Variants in PLEC observed in about 807,000 individuals in gnomAD.
PLEC encodes hemidesmosomal protein 1.
Under a neutral mutation model 392.8 loss-of-function variants are expected in PLEC, and 216 were observed. The observed-to-expected ratio is 0.55, with a 90% CI of 0.49 to 0.62. PLEC has a LOEUF of 0.62. Ranked by LOEUF, PLEC falls within the 20% of genes least tolerant of loss-of-function variation. PLEC has a pLI of 0.00. For synonymous variants in PLEC, 3,621 were observed against 2,980.6 expected (o/e 1.21, Z -7.00); for missense variants, 6,863 against 6,563.4 (o/e 1.05, Z -1.58).
chr8:143,917,415 C>A lies in PLEC; in HGVS notation c.12406G>T (p.Val4136Leu). ...ACGATGACCACTCGGCGCTTGCGCA[C>A]GGAGGACTTGGAGGACGTCTTCCGC... Reference protein sequence around the residue: ...RERKTSSKSSVRKRRVVIVDP... With the variant: ...RERKTSSKSSLRKRRVVIVDP... Residue 4136 changes from valine to leucine, a missense_variant, in exon 32 of 32, where the codon GTG (valine) becomes TTG (leucine). Physicochemically the swap from Val to Leu is conservative, Grantham distance 32. Transcript: ENST00000345136. The A allele has an allele frequency of 6.2e-7, 1 of 1,612,974 alleles. No homozygotes were observed. Among genetic ancestry groups the A allele is most frequent in the Non-Finnish European group, 8.5e-7 (1 of 1,180,014 alleles).
At position 143,929,241 on chromosome 8, in the gene PLEC, G is replaced by A; in HGVS notation, c.3122C>T (p.Ala1041Val). 2 of 1,602,234 alleles carry A rather than the reference G, an allele frequency of 1.2e-6. No homozygotes were observed. The highest frequency in any genetic ancestry group is 1.7e-6 in the Non-Finnish European group (2 of 1,179,364). The change falls in exon 25 of 32, where the codon GCC becomes GTC. Residue 1041 changes from alanine to valine, a missense_variant. Physicochemically the swap from Ala to Val is moderately conservative, Grantham distance 64. Coordinates refer to ENST00000345136, the MANE Select transcript of PLEC (RefSeq NM_201384.3). ...AEVEGLGKGV[A>V]RLSAEAEKVL... ...CTTCTCGGCCTCGGCAGAGAGCCGGGCGACCCCCTTGCCCAGCCCCTCCAC... is the reference window on the plus strand; with the variant it reads ...CTTCTCGGCCTCGGCAGAGAGCCGGACGACCCCCTTGCCCAGCCCCTCCAC...
In PLEC at chr8:143,919,955, A is replaced by C; in HGVS notation, c.9866T>G (p.Ile3289Ser). The C allele has an allele frequency of 6.2e-7, 1 of 1,613,408 alleles. No homozygotes were observed. The highest frequency in any genetic ancestry group is 8.5e-7 in the Non-Finnish European group (1 of 1,180,022). The change falls in exon 32 of 32, where the codon ATT (isoleucine) becomes AGT (serine). Residue 3289 changes from isoleucine to serine, a missense_variant. Transcript: ENST00000345136. ...VTVEKVIKIL[I>S]TIVEEVETLR... ...GGTCTCCACCTCCTCCACGATGGTAATGAGAATCTTGATGACCTTCTCCAC... is the reference window on the plus strand; with the variant it reads ...GGTCTCCACCTCCTCCACGATGGTACTGAGAATCTTGATGACCTTCTCCAC...
intron 19 of PLEC, among the ~76,000 whole-genome samples, chr8:143,930,778 TC>T (rs1355448137): frequency 1.3e-5 from 2 of 152,060 alleles, no homozygotes; most frequent in African/African-American, 4.8e-5. Flanking sequence ...ACCCACCATG[TC>T]CTCCCAGCTA....
At chr8:143,935,770 A>G in intron 6 of PLEC, 78 bp downstream of exon 6, 1 of 1,501,262 alleles carries the variant, frequency 6.7e-7, no homozygotes, top group East Asian at 2.3e-5. Flanking sequence ...TCCCTGCCCC[A>G]ACGTGTCTGA....
At chr8:143,950,063 G>T in intron 1 of PLEC, 1 of 1,301,476 alleles carries the variant, frequency 7.7e-7, no homozygotes, top group Non-Finnish European at 1.0e-6. Context: ...CTGCTGGTGT[G>T]AGCGACGCTC....
rs574627765 is a variant in PLEC, at chr8:143,927,888, A to T, written c.3365T>A (p.Leu1122His). ...LKEAQAVPAT[L>H]PELEATKASL... ...GGCCTTGGTGGCCTCGAGCTCCGGGAGGGTGGCCGGCACGGCCTGGGCCTC... is the reference window on the plus strand; with the variant it reads ...GGCCTTGGTGGCCTCGAGCTCCGGGTGGGTGGCCGGCACGGCCTGGGCCTC... The change falls in exon 26 of 32, where the codon CTC (leucine) becomes CAC (histidine). Residue 1122 changes from leucine to histidine, a missense_variant. Coordinates refer to ENST00000345136, the MANE Select transcript of PLEC (RefSeq NM_201384.3). 20 of 1,593,294 alleles carry T rather than the reference A, an allele frequency of 1.3e-5. 1 individual carries two copies. The South Asian group carries it at 2.3e-4, about 18-fold the overall frequency.
In PLEC at chr8:143,915,973, C is replaced by T. The variant is rs1314383932; in HGVS notation, c.*204G>A. 25 of 452,250 alleles carry T rather than the reference C, an allele frequency of 5.5e-5. No individual in the cohort carries two copies. The highest frequency in any genetic ancestry group is 4.9e-4 in the South Asian group (14 of 28,796). 28.0% of individuals were successfully genotyped at this position (452,250 alleles called of 1,614,324 possible). On this transcript the variant is annotated 3_prime_UTR_variant, in exon 32 of 32. Transcript: ENST00000345136. ...AGTGAGGAGACCCGAGGGGGTGAGG[C>T]GGCCAGCAGGGCTGGGCCAGCCCTG...
chr8:143,944,076 TC>T (rs1831036845), upstream of PLEC: 1 of 787,284 alleles, frequency 1.3e-6, no homozygotes, highest in East Asian at 2.8e-5. Context: ...CCTCCTCTCC[TC>T]CTCCCTCCGC....
rs199983005 is a variant in PLEC, at chr8:143,929,623, G to A, written c.2923+23C>T. 2.5e-4 allele frequency: 402 copies of A among 1,608,462 alleles called. 4 individuals carry two copies. The East Asian group carries it at 8.2e-3, about 33-fold the overall frequency. On this transcript the variant is annotated intron_variant, in intron 23 of 31. Transcript: ENST00000345136. Reference sequence around the variant, plus strand: ...CCGCCCACCTCGCACCAGCCCAACCGCCCCAGCCCTGCCGTGCCCTACCCT... The same window carrying A: ...CCGCCCACCTCGCACCAGCCCAACCACCCCAGCCCTGCCGTGCCCTACCCT...
Position 143,950,339 on chromosome 8 carries a change from AG to A in PLEC, c.367del (p.Leu123TrpfsTer130), listed in dbSNP as rs782401458. The A allele has an allele frequency of 1.9e-6, 3 of 1,580,188 alleles. No individual in the cohort carries two copies. The East Asian group carries it at 6.9e-5, about 36-fold the overall frequency. ...CGGCCCCCGCTTGGGTGGGGAGCCCAGGGGACCCTGCACAGCCTGCACGTGG... is the reference window on the plus strand; with the variant it reads ...CGGCCCCCGCTTGGGTGGGGAGCCCAGGGACCCTGCACAGCCTGCACGTGG... On this transcript the variant is annotated frameshift_variant, in exon 1 of 32. Transcript: ENST00000322810. LOFTEE classifies it high-confidence loss of function.
In PLEC at chr8:143,919,011, G is replaced by A; in HGVS notation, c.10810C>T (p.Leu3604=). Residue 3604 remains leucine (L), a synonymous_variant, in exon 32 of 32, where the codon CTG becomes TTG. Transcript: ENST00000345136. ...CGGCCGGCCTGGAAGTCAGCCATCA[G>A]CTGGGCCCGCTGCTCCTCGGGGATC... ...DLIPEEQRAQ[L]MADFQAGRVT... The A allele has an allele frequency of 6.2e-7, 1 of 1,611,232 alleles. No homozygotes were observed. The highest frequency in any genetic ancestry group is 1.1e-5 in the South Asian group (1 of 91,090).
At position 143,925,210 on chromosome 8, in the gene PLEC, A is replaced by G; in HGVS notation, c.4719T>C (p.Ser1573=). ...VQVALETAQR[S]AEAELQSKRA... is the part of the protein sequence containing the mutation. Reference sequence around the variant, plus strand: ...GTTTGCTCTGCAGCTCCGCCTCTGCACTGCGCTGCGCCGTCTCCAGGGCCA... The same window carrying G: ...GTTTGCTCTGCAGCTCCGCCTCTGCGCTGCGCTGCGCCGTCTCCAGGGCCA... The change falls in exon 31 of 32, where the codon AGT becomes AGC. Residue 1573 remains serine, a synonymous_variant. Transcript: ENST00000345136. 3 of 1,586,560 alleles carry G rather than the reference A, an allele frequency of 1.9e-6. No homozygotes were observed. The highest frequency in any genetic ancestry group is 1.7e-6 in the Non-Finnish European group (2 of 1,175,328).
Position 143,917,724 on chromosome 8 carries a change from G to C in PLEC, c.12097C>G (p.Leu4033Val). The change falls in exon 32 of 32, where the codon CTG (leucine) becomes GTG (valine). Residue 4033 changes from leucine (L) to valine (V), a missense_variant. Leu to Val is a conservative substitution (Grantham distance 32, BLOSUM62 1). Coordinates refer to ENST00000345136, the MANE Select transcript of PLEC (RefSeq NM_201384.3). Reference sequence around the variant, plus strand: ...CGGATGCCATGGTCCTTCAGGATCAGGCCCTTCTTCATGGCCTGGAAGAGG... The same window carrying C: ...CGGATGCCATGGTCCTTCAGGATCACGCCCTTCTTCATGGCCTGGAAGAGG... Reference protein sequence around the residue: ...ISLFQAMKKGLILKDHGIRLL... With the variant: ...ISLFQAMKKGVILKDHGIRLL... 6.2e-7 allele frequency: 1 copy of C among 1,613,654 alleles called. No homozygotes were observed. The highest frequency in any genetic ancestry group is 1.1e-5 in the South Asian group (1 of 91,088).
In PLEC at chr8:143,924,849, G is replaced by A. The variant is rs1373326735; in HGVS notation, c.5080C>T (p.Leu1694=). Residue 1694 remains leucine, a synonymous_variant, in exon 31 of 32, where the codon CTG becomes TTG. Coordinates refer to ENST00000345136, the MANE Select transcript of PLEC (RefSeq NM_201384.3). The part of the protein sequence containing the change: ...VRQRELAEQE[L]EKQRQLAEGT... ...TCCGCCAGCTGCCGCTGCTTCTCCA[G>A]CTCTTGTTCAGCCAGCTCCCGCTGC... 8.8e-6 allele frequency: 14 copies of A among 1,585,772 alleles called. No individual in the cohort carries two copies. Among genetic ancestry groups the A allele is most frequent in the African/African-American group, 1.3e-5 (1 of 74,486 alleles).
chr8:143,916,783 C>T lies in PLEC; in HGVS notation c.13038G>A (p.Val4346=), dbSNP rs2130811682. 6.2e-7 allele frequency: 1 copy of T among 1,613,302 alleles called. No individual in the cohort carries two copies. Among genetic ancestry groups the T allele is most frequent in the Non-Finnish European group, 8.5e-7 (1 of 1,179,958 alleles). ...VNKGLVDKIM[V]DRINLAQKAF... is the part of the protein sequence containing the mutation. ...CCTTCTGGGCCAGGTTGATGCGGTC[C>T]ACCATGATCTTGTCCACCAGGCCCT... The change falls in exon 32 of 32, where the codon GTG becomes GTA. Residue 4346 remains valine (V), a synonymous_variant. Coordinates refer to ENST00000345136, the MANE Select transcript of PLEC (RefSeq NM_201384.3).
chr8:143,920,384 G>A lies in PLEC; in HGVS notation c.9437C>T (p.Pro3146Leu). 6.3e-7 allele frequency: 1 copy of A among 1,592,322 alleles called. No homozygotes were observed. Among genetic ancestry groups the A allele is most frequent in the East Asian group, 2.2e-5 (1 of 44,558 alleles). The change falls in exon 32 of 32, where the codon CCC becomes CTC. Residue 3146 changes from proline to leucine, a missense_variant. Transcript: ENST00000345136. ...AQLSTGGIVD[P>L]SKSHRVPLDV... is the part of the protein sequence containing the mutation. ...CAGGGGCACGCGGTGGCTCTTGCTG[G>A]GGTCCACGATGCCGCCCGTGGACAG...
At chr8:143,965,250 A>C (rs1328727997) in intron 1 of PLEC, among the ~76,000 whole-genome samples, 3 of 152,080 alleles carry the variant, frequency 2.0e-5, no homozygotes, top group African/African-American at 4.8e-5. Context: ...CTCCAGGAAG[A>C]AGCAGCAACA....
chr8:143,923,827 C>G lies in PLEC; in HGVS notation c.6102G>C (p.Arg2034=), dbSNP rs1056671987. The G allele has an allele frequency of 1.2e-5, 19 of 1,585,654 alleles. No homozygotes were observed. The highest frequency in any genetic ancestry group is 1.6e-5 in the Non-Finnish European group (19 of 1,173,922). ...CGGCCTCCTGGGCCAGCTGCAGCTG[C>G]CGCGCCGACTCCTGCTCCGCTCGCT... is the stretch of plus-strand genomic sequence containing the variant. ...LRERAEQESA[R]QLQLAQEAAQ... is the part of the protein sequence containing the mutation. Residue 2034 remains arginine (R), a synonymous_variant, in exon 31 of 32, where the codon CGG becomes CGC. Transcript: ENST00000345136.
intron 1 of PLEC, among the ~76,000 whole-genome samples, chr8:143,946,981 A>C (rs1016418837): frequency 1.3e-5 from 2 of 151,888 alleles, no homozygotes; most frequent in African/African-American, 4.8e-5. Context: ...ATACCTCTCC[A>C]CCCAGGTGCT....
Sources: gnomAD v4.1 joint callset for allele counts (sites outside exome capture counted in the v4.1 genomes callset) on GRCh38, gnomAD v4.1.1 for gene constraint, MANE v1.5 for transcripts, NCBI Gene and HGNC (gene_info 2026-07-23, HGNC 2026-07-21) for gene names.